ATP6V1A: variants seen among roughly 807,000 people sequenced by gnomAD.
ATP6V1A encodes V-type proton ATPase catalytic subunit A.
ATP6V1A carries 18 observed loss-of-function variants against 70.1 expected under a neutral mutation model. The ratio of observed to expected loss-of-function variants is 0.26; its 90% CI spans 0.18 to 0.38. The LOEUF is 0.38. ATP6V1A is among the 10% of genes least tolerant of loss of function. The pLI, the probability that ATP6V1A is intolerant of heterozygous loss-of-function variation, is 1.00. For synonymous variants in ATP6V1A, 232 were observed against 253.8 expected (o/e 0.91, Z 0.82); for missense variants, 424 against 772.4 (o/e 0.55, Z 5.35).
chr3:113,781,432 G>A lies in ATP6V1A; in HGVS notation c.211+254G>A, dbSNP rs138859553. Among the ~76,000 whole-genome samples, 679 of 152,164 alleles carry A rather than the reference G, an allele frequency of 4.5e-3. 3 individuals carry two copies. Among genetic ancestry groups the A allele is most frequent in the African/African-American group, 0.015 (623 of 41,524 alleles). ...CTTGGGAGGCTGAGGCAGGGGAATCGCTTGCACCCTGGAGGTGGGAGGTTG... is the reference window on the plus strand; with the variant it reads ...CTTGGGAGGCTGAGGCAGGGGAATCACTTGCACCCTGGAGGTGGGAGGTTG... On this transcript the variant is annotated intron_variant, in intron 3 of 14. Transcript: ENST00000273398.
chr3:113,766,086 T>G (rs1708767444), intron 1 of ATP6V1A, among the ~76,000 whole-genome samples: 1 of 152,162 alleles, frequency 6.6e-6, no homozygotes, highest in South Asian at 2.1e-4. Flanking sequence ...CAAAAAAGTC[T>G]TAGTTTGGTT....
At chr3:113,790,876 AT>A (rs1274580390) in intron 8 of ATP6V1A, among the ~76,000 whole-genome samples, 1 of 152,106 alleles carries the variant, frequency 6.6e-6, no homozygotes, top group Non-Finnish European at 1.5e-5. Context: ...CTTGATCAAT[AT>A]TTCTTTCTGT....
At chr3:113,778,701 GT>G (rs1208491765) in intron 1 of ATP6V1A, 39 bp from the exon 2 acceptor site, 7 of 1,301,490 alleles carry the variant, frequency 5.4e-6, no homozygotes, top group Non-Finnish European at 7.3e-6. Context: ...TTGCTTTACG[GT>G]TTATAATTAT....
At chr3:113,788,380 G>A (rs780695960) in intron 6 of ATP6V1A, among the ~76,000 whole-genome samples, 6 of 151,278 alleles carry the variant, frequency 4.0e-5, no homozygotes, top group Non-Finnish European at 7.4e-5. Context: ...CGTCACCCAG[G>A]CTGTAGTGCA....
chr3:113,781,071 C>T lies in ATP6V1A; in HGVS notation c.104C>T (p.Ala35Val), dbSNP rs367827756. 7.5e-6 allele frequency: 12 copies of T among 1,602,728 alleles called. No homozygotes were observed. Among genetic ancestry groups the T allele is most frequent in the Non-Finnish European group, 9.4e-6 (11 of 1,174,106 alleles). The change falls in exon 3 of 15, where the codon GCG becomes GTG. Residue 35 changes from alanine (A) to valine (V), a missense_variant. Physicochemically the swap from Ala to Val is moderately conservative, Grantham distance 64. Around this residue, in one of 9 missense-constraint regions of ATP6V1A, gnomAD observed 31 missense variants for 78.6 expected, o/e 0.39. Transcript: ENST00000273398. The stretch of plus-strand genomic sequence containing the variant: ...TCAGTGGTTACAGCCTGTGACATGG[C>T]GGGTGCAGCCATGTATGAGCTGGTG... ...SGPVVTACDM[A>V]GAAMYELVRV...
chr3:113,760,754 A>G (rs1407836861), intron 1 of ATP6V1A, among the ~76,000 whole-genome samples: 1 of 150,450 alleles, frequency 6.6e-6, no homozygotes, highest in Non-Finnish European at 1.5e-5. Context: ...AACTAAACAA[A>G]TGACAGGATG....
chr3:113,803,459 T>C lies in ATP6V1A; in HGVS notation c.1495-124T>C, dbSNP rs547399025. On this transcript the variant is annotated intron_variant, in intron 12 of 14. Transcript: ENST00000273398. The stretch of plus-strand genomic sequence containing the variant: ...AAGAACATCAATCAAAAAGCCGTTA[T>C]AAGTAAATTTATTAACAATAGGTGA... 13 of 723,840 alleles carry C rather than the reference T, an allele frequency of 1.8e-5. No individual in the cohort carries two copies. The South Asian group carries it at 2.1e-4, about 12-fold the overall frequency. 44.8% of individuals were successfully genotyped at this position (723,840 alleles called of 1,614,324 possible).
intron 9 of ATP6V1A, 24 bp downstream of exon 9, chr3:113,795,018 T>C (rs564472791): frequency 6.2e-7 from 1 of 1,613,376 alleles, no homozygotes; most frequent in Non-Finnish European, 8.5e-7. Flanking sequence ...TTGCTTATCA[T>C]GTAAACAAGA....
Position 113,784,746 on chromosome 3 carries a change from C to T in ATP6V1A, c.477C>T (p.Asn159=). 1 of 1,614,064 alleles carries T rather than the reference C, an allele frequency of 6.2e-7. No homozygotes were observed. The highest frequency in any genetic ancestry group is 8.5e-7 in the Non-Finnish European group (1 of 1,179,958). The stretch of plus-strand genomic sequence containing the variant: ...ACATTTATGGAATTGTCAGTGAGAA[C>T]TCGCTTATCAAACACAAAATCATGT... ...GGDIYGIVSE[N]SLIKHKIMLP... The change falls in exon 5 of 15, where the codon AAC becomes AAT. Residue 159 remains asparagine (N), a synonymous_variant. Transcript: ENST00000273398.
At chr3:113,798,917 TAGTACTCAG>T (rs1709181240) in intron 12 of ATP6V1A, among the ~76,000 whole-genome samples, 5 of 152,242 alleles carry the variant, frequency 3.3e-5, no homozygotes, top group Admixed American at 3.3e-4. Flanking sequence ...CAATGCTAGT[TAGTACTCAG>T]AGTTCTTTGT....
intron 1 of ATP6V1A, among the ~76,000 whole-genome samples, chr3:113,763,097 T>G (rs889743390): frequency 6.6e-6 from 1 of 151,742 alleles, no homozygotes; most frequent in Admixed American, 6.6e-5. Context: ...TTCCATTTAT[T>G]CTTTTTTTTT....
intron 7 of ATP6V1A, 39 bp downstream of exon 7, chr3:113,788,914 C>T: frequency 6.4e-7 from 1 of 1,561,650 alleles, no homozygotes. Flanking sequence ...AGAGAAAATA[C>T]CACTCATCAG....
rs566140512 is a variant in ATP6V1A at position 113,762,525 on chromosome 3, G to A, written c.-14+15412G>A. On this transcript the variant is annotated intron_variant, in intron 1 of 14. Coordinates refer to ENST00000273398, the MANE Select transcript of ATP6V1A (RefSeq NM_001690.4). ...GGAGGTTGCAGTGAGCCGAGATTGC[G>A]CCATTGCAGTCGATCCTAGGCAACA... Among the ~76,000 whole-genome samples, 6 of 151,900 alleles carry A rather than the reference G, an allele frequency of 3.9e-5. No individual in the cohort carries two copies. In the South Asian group the frequency reaches 6.2e-4, roughly 16 times the overall value.
chr3:113,757,223 C>CGT (rs1044720430), intron 1 of ATP6V1A, among the ~76,000 whole-genome samples: 7 of 151,922 alleles, frequency 4.6e-5, no homozygotes, highest in Admixed American at 3.3e-4. Context: ...TACAGTGGGG[C>CGT]GTGTGTGTGT....
chr3:113,795,092 A>G lies in ATP6V1A; in HGVS notation c.1114A>G (p.Ser372Gly), dbSNP rs758041128. ...TAAAATTTCTTTTCATTTTTCAGAT[A>G]GTGGATATCCAGCCTATCTTGGTGC... ...SGRLAEMPAD[S>G]GYPAYLGARL... Residue 372 changes from serine (S) to glycine (G), a missense_variant and splice_region_variant, in exon 10 of 15, where the codon AGT becomes GGT. Transcript: ENST00000273398. 1 of 1,613,652 alleles carries G rather than the reference A, an allele frequency of 6.2e-7. No individual in the cohort carries two copies. The highest frequency in any genetic ancestry group is 1.3e-5 in the African/African-American group (1 of 74,866).
At chr3:113,748,147 T>C (rs1708545195) in intron 1 of ATP6V1A, among the ~76,000 whole-genome samples, 1 of 152,146 alleles carries the variant, frequency 6.6e-6, no homozygotes, top group Non-Finnish European at 1.5e-5. Flanking sequence ...TTTGTAAAAC[T>C]CCCGGTGCCC....
At chr3:113,785,506 CTTT>C (rs987781968) in intron 5 of ATP6V1A, among the ~76,000 whole-genome samples, 4 of 107,168 alleles carry the variant, frequency 3.7e-5, no homozygotes, top group Admixed American at 1.1e-4. Flanking sequence ...TTTTTCTTTT[CTTT>C]TTTTTTTTTT....
chr3:113,756,023 C>G (rs1708643819), intron 1 of ATP6V1A, among the ~76,000 whole-genome samples: 1 of 152,154 alleles, frequency 6.6e-6, no homozygotes, highest in African/African-American at 2.4e-5. Flanking sequence ...GATCCAAATG[C>G]TTTCTTAATA....
intron 3 of ATP6V1A, among the ~76,000 whole-genome samples, chr3:113,782,567 TATATAC>T (rs1486848984): frequency 5.4e-5 from 8 of 147,114 alleles, no homozygotes; most frequent in African/African-American, 2.0e-4. Flanking sequence ...CATGTGTATA[TATATAC>T]GTATATATAT....
Sources: allele counts gnomAD v4.1 joint callset (sites outside exome capture counted in the v4.1 genomes callset), GRCh38; gene constraint gnomAD v4.1.1; regional missense constraint gnomAD v4.1.1; transcripts MANE v1.5; gene names NCBI Gene and HGNC (gene_info 2026-07-23, HGNC 2026-07-21).